The following CRPPA variants were observed in gnomAD, a reference collection of about 807,000 sequenced individuals.
The protein encoded by CRPPA is D-ribitol-5-phosphate cytidylyltransferase.
In CRPPA, 43 loss-of-function variants were observed where a neutral mutation model predicts 52.0. That is an observed-to-expected ratio of 0.83 (90% CI 0.65 to 1.07). The LOEUF is 1.07. CRPPA is among the 50% of genes least tolerant of loss of function. The pLI, the probability that CRPPA is intolerant of heterozygous loss-of-function variation, is 0.00. For missense variants in CRPPA, 629 were observed against 551.7 expected (o/e 1.14, Z -1.40); for synonymous variants, 250 against 203.5 (o/e 1.23, Z -1.94).
intron 9 of CRPPA, among the ~76,000 whole-genome samples, chr7:16,135,761 C>T (rs556776015): frequency 6.6e-6 from 1 of 152,268 alleles, no homozygotes; most frequent in African/African-American, 2.4e-5. Context: ...GTACATTCAT[C>T]TAACAAAGCA....
chr7:16,304,962 A>C (rs937858608), intron 4 of CRPPA, among the ~76,000 whole-genome samples: 3 of 152,212 alleles, frequency 2.0e-5, no homozygotes, highest in Admixed American at 6.5e-5. Flanking sequence ...GTCCAGTACC[A>C]GTTTAGCATA....
At chr7:16,184,554 T>TA (rs1316860698) in intron 9 of CRPPA, among the ~76,000 whole-genome samples, 3 of 152,180 alleles carry the variant, frequency 2.0e-5, no homozygotes, top group African/African-American at 7.2e-5. Context: ...ACTCAGAAGA[T>TA]ACTGTTTGAG....
At chr7:16,209,691 T>C (rs1017176530) in intron 9 of CRPPA, among the ~76,000 whole-genome samples, 1 of 152,210 alleles carries the variant, frequency 6.6e-6, no homozygotes, top group Admixed American at 6.5e-5. Context: ...TTTTAGGTTG[T>C]ACCATCTGAA....
At chr7:16,260,520 T>G (rs772211768) in intron 6 of CRPPA, among the ~76,000 whole-genome samples, 1 of 152,048 alleles carries the variant, frequency 6.6e-6, no homozygotes, top group African/African-American at 2.4e-5. Flanking sequence ...GCTACTGCTG[T>G]GGTTATAAAT....
chr7:16,208,569 G>A (rs1782028118), intron 9 of CRPPA, among the ~76,000 whole-genome samples: 2 of 152,162 alleles, frequency 1.3e-5, no homozygotes, highest in Non-Finnish European at 2.9e-5. Flanking sequence ...CCTGCACCAG[G>A]TGAGAGAGCA....
intron 8 of CRPPA, among the ~76,000 whole-genome samples, chr7:16,222,695 G>A (rs916543782): frequency 7.2e-5 from 11 of 152,036 alleles, no homozygotes; most frequent in African/African-American, 9.6e-5. Context: ...AATAATTGTC[G>A]TCTCTAACAT....
chr7:16,290,949 A>T (rs1274883999), intron 5 of CRPPA, among the ~76,000 whole-genome samples: 1 of 152,030 alleles, frequency 6.6e-6, no homozygotes. Flanking sequence ...AAGTAATCCC[A>T]TTAATAAGTA....
intron 5 of CRPPA, among the ~76,000 whole-genome samples, chr7:16,293,725 G>A (rs1784610549): frequency 6.6e-6 from 1 of 151,980 alleles, no homozygotes; most frequent in Non-Finnish European, 1.5e-5. Flanking sequence ...AACTGAGCAT[G>A]TTTCAACTGG....
intron 3 of CRPPA, among the ~76,000 whole-genome samples, chr7:16,359,358 G>T (rs1786384490): frequency 6.6e-6 from 1 of 152,154 alleles, no homozygotes; most frequent in African/African-American, 2.4e-5. Flanking sequence ...GTAATTCACA[G>T]CGTGATCACA....
intron 9 of CRPPA, among the ~76,000 whole-genome samples, chr7:16,194,288 G>A (rs1270790383): frequency 3.3e-5 from 5 of 152,084 alleles, no homozygotes; most frequent in Admixed American, 2.6e-4. Flanking sequence ...AGCCTTATAC[G>A]AGTAGATGAG....
intron 3 of CRPPA, among the ~76,000 whole-genome samples, chr7:16,322,135 A>G (rs568534391): frequency 8.5e-5 from 13 of 152,244 alleles, no homozygotes; most frequent in Admixed American, 7.2e-4. Context: ...GCCCTAGGAA[A>G]CTAATATATT....
Position 16,366,402 on chromosome 7 carries a change from C to T in CRPPA, c.684+9690G>A, listed in dbSNP as rs185890780. ...AAAACACAAATCAATATACAGCCAT[C>T]AAATTGACAAAAGCTAGAAAATTAA... On this transcript the variant is annotated intron_variant, in intron 3 of 9. Coordinates refer to ENST00000407010, the MANE Select transcript of CRPPA (RefSeq NM_001101426.4). Among the ~76,000 whole-genome samples, 419 of 152,192 alleles carry T rather than the reference C, an allele frequency of 2.8e-3. 1 individual carries two copies. The highest frequency in any genetic ancestry group is 9.7e-3 in the African/African-American group (402 of 41,536).
At chr7:16,142,033 A>C (rs1485067640) in intron 9 of CRPPA, among the ~76,000 whole-genome samples, 1 of 152,164 alleles carries the variant, frequency 6.6e-6, no homozygotes, top group East Asian at 1.9e-4. Context: ...GAAATTATAC[A>C]CATTATATGT....
intron 3 of CRPPA, among the ~76,000 whole-genome samples, chr7:16,335,641 G>C (rs1174601943): frequency 6.6e-6 from 1 of 152,094 alleles, no homozygotes; most frequent in African/African-American, 2.4e-5. Context: ...TTACAGGACA[G>C]CATCAAGCAA....
chr7:16,188,344 G>A (rs1781545775), intron 9 of CRPPA, among the ~76,000 whole-genome samples: 1 of 152,064 alleles, frequency 6.6e-6, no homozygotes, highest in Non-Finnish European at 1.5e-5. Flanking sequence ...GATGAGGTGA[G>A]GGAGTACATT....
rs1784253774 is a variant in CRPPA, at chr7:16,278,359, G to A, written c.836-133C>T. 6.6e-6 allele frequency: 4 copies of A among 604,862 alleles called. No individual in the cohort carries two copies. In the South Asian group the frequency reaches 8.1e-5, roughly 12 times the overall value. The allele number at this position is 604,862 out of a possible 1,614,324, so 37.5% of individuals were successfully genotyped here. ...GGGAGGTTTTGATTTCAGGCCAAGT[G>A]GAGTAATCTGTGTACACACTGAGAT... On this transcript the variant is annotated intron_variant, in intron 5 of 9. Transcript: ENST00000407010.
chr7:16,266,913 G>A (rs1783971930), intron 6 of CRPPA, among the ~76,000 whole-genome samples: 1 of 152,192 alleles, frequency 6.6e-6, no homozygotes. Flanking sequence ...TAGTAGATGG[G>A]AAACGACTGG....
intron 8 of CRPPA, among the ~76,000 whole-genome samples, chr7:16,225,145 T>A (rs1378486553): frequency 2.6e-5 from 4 of 152,038 alleles, no homozygotes; most frequent in African/African-American, 4.8e-5. Context: ...AATTAAAAAG[T>A]AAATGAGTTT....
intron 2 of CRPPA, among the ~76,000 whole-genome samples, chr7:16,383,405 G>A (rs1167455992): frequency 2.6e-5 from 4 of 152,144 alleles, no homozygotes; most frequent in African/African-American, 7.2e-5. Flanking sequence ...TGCCCCTACT[G>A]GGGGGTGCCT....
Sources: gnomAD v4.1 joint callset for allele counts (sites outside exome capture counted in the v4.1 genomes callset) on GRCh38, gnomAD v4.1.1 for gene constraint, MANE v1.5 for transcripts, NCBI Gene and HGNC (gene_info 2026-07-23, HGNC 2026-07-21) for gene names.